The following SLC5A11 variants were observed in gnomAD, a reference collection of about 807,000 sequenced individuals.
The protein encoded by SLC5A11 is solute carrier family 5 member 11.
In SLC5A11, 48 loss-of-function variants were observed where a neutral mutation model predicts 69.8. The observed-to-expected ratio is 0.69, with a 90% CI of 0.55 to 0.87. The LOEUF (loss-of-function observed/expected upper bound fraction) is 0.87, where lower values mean the gene tolerates loss of function less well. Among genes scored for constraint, SLC5A11 ranks in the 40% least tolerant of loss-of-function variants. The pLI is 0.00. For missense variants in SLC5A11, 784 were observed against 866.1 expected, an observed-to-expected ratio of 0.91 and a Z score of 1.19; for synonymous variants, 319 against 342.4, an observed-to-expected ratio of 0.93 and a Z score of 0.75.
chr16:24,900,514 G>T (rs1195982736), intron 10 of SLC5A11, among the ~76,000 whole-genome samples: 1 of 152,102 alleles, frequency 6.6e-6, no homozygotes, highest in Non-Finnish European at 1.5e-5. Context: ...CCAGGAAAGG[G>T]CAAAAGCCTT....
chr16:24,849,622 A>ATATATATATATATATATATATG (rs1459859144), intron 1 of SLC5A11, among the ~76,000 whole-genome samples: 1 of 128,240 alleles, frequency 7.8e-6, no homozygotes, highest in Non-Finnish European at 1.6e-5. Context: ...ATATATATAT[A>ATATATATATATATATATATATG]TCCATGAGAG....
Position 24,908,882 on chromosome 16 carries a change from G to A in SLC5A11, c.1436G>A (p.Gly479Asp), listed in dbSNP as rs1157695829. 1.1e-5 allele frequency: 17 copies of A among 1,612,652 alleles called. No homozygotes were observed. In the African/African-American group the frequency reaches 1.3e-4, roughly 13 times the overall value. The stretch of plus-strand genomic sequence containing the variant: ...GATGATCTTGCTCTGATTTTGCAGG[G>A]TGCCTTCTGGGGCCTGATCTCGGGC... Residue 479 changes from glycine (G) to aspartate (D), a missense_variant and splice_region_variant, in exon 14 of 16, where the codon GGT becomes GAT. Transcript: ENST00000347898.
intron 15 of SLC5A11, among the ~76,000 whole-genome samples, chr16:24,910,896 G>GGC (rs952856172): frequency 1.3e-5 from 2 of 152,106 alleles, no homozygotes; most frequent in Admixed American, 1.3e-4. Flanking sequence ...TGGCCGGTCA[G>GGC]CATGGCTCAG....
exon 12 of SLC5A11, chr16:24,907,099 A>T (rs763533667): frequency 6.2e-7 from 1 of 1,614,140 alleles, no homozygotes; most frequent in East Asian, 2.2e-5. Context: ...TAACAGTGCC[A>T]GCACCATCTT....
chr16:24,876,023 C>T (rs1476748883), intron 6 of SLC5A11, among the ~76,000 whole-genome samples: 5 of 151,878 alleles, frequency 3.3e-5, no homozygotes, highest in Admixed American at 6.6e-5. Flanking sequence ...GGCGAAACCC[C>T]ATCTCTACCA....
intron 10 of SLC5A11, among the ~76,000 whole-genome samples, chr16:24,902,337 A>G (rs1404574770): frequency 1.3e-5 from 2 of 152,090 alleles, no homozygotes; most frequent in Non-Finnish European, 2.9e-5. Context: ...GGGAAAAAAA[A>G]AAGGAATCCA....
exon 16 of SLC5A11, chr16:24,911,430 T>C: frequency 6.2e-7 from 1 of 1,614,106 alleles, no homozygotes; most frequent in South Asian, 1.1e-5. Flanking sequence ...GCAGAAGCCA[T>C]CATAGTTTCC....
In SLC5A11 at chr16:24,867,009, A is replaced by G. The variant is rs139218025; in HGVS notation, c.208-2892A>G. On this transcript the variant is annotated intron_variant, in intron 3 of 15. Coordinates refer to ENST00000347898, the Ensembl canonical transcript of SLC5A11. Reference sequence around the variant, plus strand: ...GATCAACAAGAAAATAGAAGACATGAACAACACTATAAACCAACTGACCTA... The same window carrying G: ...GATCAACAAGAAAATAGAAGACATGGACAACACTATAAACCAACTGACCTA... Among the ~76,000 whole-genome samples, 75 of 152,304 alleles carry G rather than the reference A, an allele frequency of 4.9e-4. No individual in the cohort carries two copies. The East Asian group carries it at 0.014, about 28-fold the overall frequency.
At chr16:24,857,496 G>A (rs2059586268) in intron 1 of SLC5A11, among the ~76,000 whole-genome samples, 1 of 152,192 alleles carries the variant, frequency 6.6e-6, no homozygotes, top group Non-Finnish European at 1.5e-5. Flanking sequence ...TAAAATCAAG[G>A]TGTCAGCAGG....
chr16:24,911,152 G>C (rs994616037), intron 15 of SLC5A11, among the ~76,000 whole-genome samples, 176 bp from the exon 17 acceptor site: 1 of 136,830 alleles, frequency 7.3e-6, no homozygotes, highest in African/African-American at 2.9e-5. Flanking sequence ...CTGGACGACA[G>C]AGTGAGACTC....
chr16:24,849,593 A>AAAAAATATATATAT, intron 1 of SLC5A11, among the ~76,000 whole-genome samples: 13 of 35,906 alleles, frequency 3.6e-4, no homozygotes, highest in African/African-American at 5.5e-4. Context: ...AAAAAAAAAA[A>AAAAAATATATATAT]ATATATATAT....
chr16:24,868,752 A>G (rs962187423), intron 3 of SLC5A11, among the ~76,000 whole-genome samples: 1 of 152,144 alleles, frequency 6.6e-6, no homozygotes, highest in Admixed American at 6.5e-5. Flanking sequence ...TAAGGAGGTA[A>G]AATGGCTCTT....
At chr16:24,911,547 C>T in exon 16 of SLC5A11, 2 of 1,613,668 alleles carry the variant, frequency 1.2e-6, no homozygotes, top group Non-Finnish European at 1.7e-6. Context: ...GGGGTGAACC[C>T]AGGGGTCCAA....
intron 3 of SLC5A11, among the ~76,000 whole-genome samples, chr16:24,868,529 A>T (rs957147634): frequency 5.5e-5 from 8 of 145,210 alleles, no homozygotes; most frequent in African/African-American, 1.5e-4. Context: ...AACCTGGGGG[A>T]TGGAGCTTGC....
chr16:24,851,448 G>T (rs1386023177), intron 1 of SLC5A11, among the ~76,000 whole-genome samples: 2 of 152,076 alleles, frequency 1.3e-5, no homozygotes, highest in Non-Finnish European at 2.9e-5. Context: ...ATCGCTTGGG[G>T]GCAGGAGAAT....
intron 9 of SLC5A11, among the ~76,000 whole-genome samples, chr16:24,894,483 C>T (rs2049014760): frequency 6.6e-6 from 1 of 152,170 alleles, no homozygotes; most frequent in South Asian, 2.1e-4. Context: ...CTCACTTTTT[C>T]CCCTGCAACT....
At chr16:24,902,089 G>A (rs537168027) in intron 10 of SLC5A11, among the ~76,000 whole-genome samples, 1 of 152,250 alleles carries the variant, frequency 6.6e-6, no homozygotes, top group South Asian at 2.1e-4. Flanking sequence ...TCCAGACTGG[G>A]TGACAAAGTG....
intron 2 of SLC5A11, among the ~76,000 whole-genome samples, chr16:24,861,798 GAAAGA>G (rs939957897): frequency 7.7e-6 from 1 of 129,856 alleles, no homozygotes; most frequent in Non-Finnish European, 1.6e-5. Flanking sequence ...AGGAAGGAAA[GAAAGA>G]AAAGAAAAAA....
At chr16:24,880,268 G>C (rs917738491) in intron 7 of SLC5A11, among the ~76,000 whole-genome samples, 3 of 152,194 alleles carry the variant, frequency 2.0e-5, no homozygotes, top group Non-Finnish European at 2.9e-5. Context: ...GAAGGCAAAG[G>C]GGAAGTAAGC....
Sources: allele counts gnomAD v4.1 joint callset (sites outside exome capture counted in the v4.1 genomes callset), GRCh38; gene constraint gnomAD v4.1.1; transcripts MANE v1.5; gene names NCBI Gene and HGNC (gene_info 2026-07-23, HGNC 2026-07-21).